Variants in RAB11FIP3 observed in about 807,000 individuals in gnomAD.
The protein encoded by RAB11FIP3 is rab11 family-interacting protein 3.
Under a neutral mutation model 77.8 loss-of-function variants are expected in RAB11FIP3, and 17 were observed. That is an observed-to-expected ratio of 0.22 (90% confidence interval 0.15 to 0.33). The LOEUF (loss-of-function observed/expected upper bound fraction) is 0.33. Ranked by LOEUF, RAB11FIP3 falls within the 10% of genes least tolerant of loss-of-function variation. The pLI, the probability that RAB11FIP3 is intolerant of heterozygous loss-of-function variation, is 1.00. For synonymous variants in RAB11FIP3, 437 were observed against 448.2 expected, an observed-to-expected ratio of 0.98 and a Z score of 0.31; for missense variants, 1,005 against 1,011.2, an observed-to-expected ratio of 0.99 and a Z score of 0.08.
chr16:438,115 C>T (rs561603607), intron 1 of RAB11FIP3, among the ~76,000 whole-genome samples: 2 of 148,246 alleles, frequency 1.3e-5, no homozygotes, highest in Middle Eastern at 3.9e-3. Flanking sequence ...GGCCTTCCCC[C>T]ACCTCCTCCT....
chr16:519,618 CCT>C, intron 10 of RAB11FIP3, 134 bp from the exon 11 acceptor site: 1 of 1,175,452 alleles, frequency 8.5e-7, no homozygotes, highest in Non-Finnish European at 1.2e-6. Flanking sequence ...CAGACCCAGC[CCT>C]GTCGCGCTCC....
chr16:434,898 A>G (rs1366391910), intron 1 of RAB11FIP3, among the ~76,000 whole-genome samples: 1 of 151,904 alleles, frequency 6.6e-6, no homozygotes, highest in Non-Finnish European at 1.5e-5. Flanking sequence ...TCTAAAGTCT[A>G]CTGTCTACTA....
At position 482,534 on chromosome 16, in the gene RAB11FIP3, G is replaced by T. The variant is rs745656810; in HGVS notation, c.913G>T (p.Val305Leu). 3 of 1,613,496 alleles carry T rather than the reference G, an allele frequency of 1.9e-6. No individual in the cohort carries two copies. Among genetic ancestry groups the T allele is most frequent in the Non-Finnish European group, 2.5e-6 (3 of 1,180,026 alleles). The stretch of plus-strand genomic sequence containing the variant: ...GCGCACTCTCTCCTAGGCCAACGAG[G>T]TGACGGACAGCGCGTACATGGGCTC... The part of the protein sequence containing the change: ...DDFVTYEANE[V>L]TDSAYMGSES... The change falls in exon 4 of 14, where the codon GTG becomes TTG. Residue 305 changes from valine to leucine, a missense_variant. Val to Leu is a conservative substitution (Grantham distance 32). Transcript: ENST00000262305.
intron 5 of RAB11FIP3, among the ~76,000 whole-genome samples, chr16:493,654 C>T (rs180951042): frequency 1.7e-3 from 259 of 151,122 alleles, no homozygotes; most frequent in Middle Eastern, 6.8e-3. Flanking sequence ...TGACCCAGGC[C>T]GGAGTGCAGT....
rs2031591494 is a variant in RAB11FIP3 at position 502,559 on chromosome 16, G to A, written c.1302-445G>A. On this transcript the variant is annotated intron_variant, in intron 6 of 13. Coordinates refer to ENST00000262305, the MANE Select transcript of RAB11FIP3 (RefSeq NM_014700.4). ...CCTGCCACAGAAAGCACCTGTGAAA[G>A]TCTGAGATCAAGAATGTGCACAGGG... Among the ~76,000 whole-genome samples the A allele has an allele frequency of 2.0e-5, 3 of 152,210 alleles. No individual in the cohort carries two copies. The South Asian group carries it at 6.2e-4, about 32-fold the overall frequency.
At chr16:485,475 C>A (rs2056135864) in intron 4 of RAB11FIP3, among the ~76,000 whole-genome samples, 2 of 152,138 alleles carry the variant, frequency 1.3e-5, no homozygotes, top group Admixed American at 6.5e-5. Flanking sequence ...TGCAGTGGCG[C>A]CATCTTGGCT....
At chr16:427,491 A>G (rs1001740097) in intron 1 of RAB11FIP3, among the ~76,000 whole-genome samples, 2 of 152,172 alleles carry the variant, frequency 1.3e-5, no homozygotes, top group Admixed American at 6.5e-5. Context: ...CTCCTGGGGG[A>G]AAGGTGGGCC....
intron 5 of RAB11FIP3, among the ~76,000 whole-genome samples, chr16:496,332 C>T (rs1177634868): frequency 6.6e-6 from 1 of 152,244 alleles, no homozygotes. Context: ...ATTTACTGCC[C>T]TGAAATGGCA....
At position 426,473 on chromosome 16, in the gene RAB11FIP3, G is replaced by A. The variant is rs1341066188; in HGVS notation, c.467G>A (p.Gly156Asp). The stretch of plus-strand genomic sequence containing the variant: ...TCCAGCAGCAGCCACCGAGCGCGGG[G>A]CGAGGTCGACGTCTTCTCTCCCTTC... ...QGSSSSHRAR[G>D]EVDVFSPFPA... Residue 156 changes from glycine (G) to aspartate (D), a missense_variant, in exon 1 of 14, where the codon GGC becomes GAC. Physicochemically the swap from Gly to Asp is moderately conservative, Grantham distance 94. Transcript: ENST00000262305. The surrounding 1 kb of genome is among the most constrained non-coding windows in gnomAD (Gnocchi z 5.0). The A allele has an allele frequency of 6.3e-7, 1 of 1,581,188 alleles. No homozygotes were observed.
chr16:515,583 G>T (rs1265259796), intron 9 of RAB11FIP3, among the ~76,000 whole-genome samples: 1 of 151,800 alleles, frequency 6.6e-6, no homozygotes, highest in Non-Finnish European at 1.5e-5. Context: ...ACCGGTGTTT[G>T]CATCTCGGAG....
At chr16:450,859 C>T (rs902726262) in intron 1 of RAB11FIP3, among the ~76,000 whole-genome samples, 2 of 143,968 alleles carry the variant, frequency 1.4e-5, no homozygotes, top group African/African-American at 5.1e-5. Flanking sequence ...CCACCCCACC[C>T]TTAGGAGCTG....
At chr16:479,350 C>T (rs146127748) in intron 3 of RAB11FIP3, among the ~76,000 whole-genome samples, 102 of 152,060 alleles carry the variant, frequency 6.7e-4, no homozygotes, top group Admixed American at 3.0e-3. Context: ...CAAGACCGCA[C>T]GACTGCACTC....
chr16:465,692 T>C (rs1415202941), intron 2 of RAB11FIP3, among the ~76,000 whole-genome samples: 6 of 151,112 alleles, frequency 4.0e-5, no homozygotes, highest in Non-Finnish European at 1.5e-5. Context: ...TCACTGCAAC[T>C]TGCGTCTCCC....
intron 1 of RAB11FIP3, among the ~76,000 whole-genome samples, chr16:430,250 C>G (rs1233688138): frequency 6.6e-6 from 1 of 152,104 alleles, no homozygotes; most frequent in African/African-American, 2.4e-5. Flanking sequence ...TATCATGAAG[C>G]AGAGATTGTA....
rs765481095 is a variant in RAB11FIP3 at position 426,581 on chromosome 16, C to T, written c.575C>T (p.Pro192Leu). The T allele has an allele frequency of 1.9e-6, 3 of 1,597,430 alleles. No individual in the cohort carries two copies. The highest frequency in any genetic ancestry group is 2.6e-6 in the Non-Finnish European group (3 of 1,173,460). Residue 192 changes from proline (P) to leucine (L), a missense_variant, in exon 1 of 14, where the codon CCC (proline) becomes CTC (leucine). This residue lies in a region of RAB11FIP3 where 466 missense variants were observed against 408.3 expected (regional missense o/e 1.14). Transcript: ENST00000262305. The surrounding 1 kb of genome is among the most constrained non-coding windows in gnomAD (Gnocchi z 5.0). Reference sequence around the variant, plus strand: ...CCCTCGGACCTCAGCCAGACCCACCCCCTTCCGAGCGAGCCCGTGGGGAGT... The same window carrying T: ...CCCTCGGACCTCAGCCAGACCCACCTCCTTCCGAGCGAGCCCGTGGGGAGT... The part of the protein sequence containing the change: ...PQPSDLSQTH[P>L]LPSEPVGSQE...
At chr16:500,373 T>C (rs1300048314) in intron 6 of RAB11FIP3, among the ~76,000 whole-genome samples, 1 of 152,082 alleles carries the variant, frequency 6.6e-6, no homozygotes, top group Non-Finnish European at 1.5e-5. Context: ...AGAATCCCTC[T>C]TTCTAGGGGA....
intron 5 of RAB11FIP3, among the ~76,000 whole-genome samples, chr16:494,725 G>A (rs908390606): frequency 3.3e-5 from 5 of 152,210 alleles, no homozygotes; most frequent in Admixed American, 3.3e-4. Flanking sequence ...CAAAGAATGG[G>A]CTGAGTGTGG....
At chr16:436,119 G>C (rs2055122542) in intron 1 of RAB11FIP3, among the ~76,000 whole-genome samples, 1 of 152,116 alleles carries the variant, frequency 6.6e-6, no homozygotes, top group African/African-American at 2.4e-5. Flanking sequence ...GACCAGCCTG[G>C]CTAACATGGT....
At chr16:518,825 T>C in intron 9 of RAB11FIP3, 118 bp from the exon 10 acceptor site, 1 of 942,006 alleles carries the variant, frequency 1.1e-6, no homozygotes, top group South Asian at 1.4e-5. Context: ...CCTGGTCGTT[T>C]GGGGGCGTCT....
Sources: allele counts gnomAD v4.1 joint callset (sites outside exome capture counted in the v4.1 genomes callset), GRCh38; gene constraint gnomAD v4.1.1; regional missense constraint gnomAD v4.1.1; non-coding constraint Gnocchi (gnomAD v3.1); transcripts MANE v1.5; gene names NCBI Gene and HGNC (gene_info 2026-07-23, HGNC 2026-07-21).